NLRC5: variants seen among roughly 807,000 people sequenced by gnomAD.
NLRC5 encodes protein NLRC5.
Under a neutral mutation model 206.9 loss-of-function variants are expected in NLRC5, and 114 were observed. The observed-to-expected ratio is 0.55, with a 90% confidence interval of 0.47 to 0.64. NLRC5 has a LOEUF of 0.64. Among genes scored for constraint, NLRC5 ranks in the 30% least tolerant of loss-of-function variants. The pLI is 0.00. For synonymous variants in NLRC5, 952 were observed against 962.8 expected, an observed-to-expected ratio of 0.99 and a Z score of 0.21; for missense variants, 2,008 against 2,305.5, an observed-to-expected ratio of 0.87 and a Z score of 2.64.
At chr16:57,065,412 C>A in intron 33 of NLRC5, 114 bp downstream of exon 33, 1 of 661,480 alleles carries the variant, frequency 1.5e-6, no homozygotes, top group Non-Finnish European at 2.3e-6. Context: ...GCTAGTTTTC[C>A]ATGTCCCCAG....
intron 38 of NLRC5, 125 bp from the exon 39 acceptor site, chr16:57,074,475 A>C: frequency 2.6e-6 from 2 of 767,608 alleles, no homozygotes; most frequent in Non-Finnish European, 4.7e-6. Context: ...GAATTTTTAC[A>C]CTGTGTGGAT....
intron 1 of NLRC5, among the ~76,000 whole-genome samples, chr16:57,001,763 C>T (rs1013532520): frequency 1.3e-5 from 2 of 152,124 alleles, no homozygotes; most frequent in Non-Finnish European, 2.9e-5. Flanking sequence ...TTCAATTATA[C>T]TTTTTGTTAT....
intron 1 of NLRC5, among the ~76,000 whole-genome samples, chr16:56,993,818 C>T (rs2057261366): frequency 6.6e-6 from 1 of 151,978 alleles, no homozygotes; most frequent in Non-Finnish European, 1.5e-5. Context: ...AGGGAATTTG[C>T]TCTTTGTCTA....
At chr16:57,061,320 C>A in intron 30 of NLRC5, 128 bp from the exon 31 acceptor site, 3 of 883,316 alleles carry the variant, frequency 3.4e-6, no homozygotes, top group South Asian at 3.3e-5. Context: ...GCCTCTCAGG[C>A]CCTGCTCCAG....
At chr16:57,013,549 C>T (rs1026162026) in intron 1 of NLRC5, 16 of 1,029,834 alleles carry the variant, frequency 1.6e-5, no homozygotes, top group South Asian at 8.9e-5. Flanking sequence ...CTTCAGAAGT[C>T]GAGAGATGCT....
At position 57,043,562 on chromosome 16, in the gene NLRC5, G is replaced by C; in HGVS notation, c.3161G>C (p.Arg1054Pro). The change falls in exon 20 of 49, where the codon CGG becomes CCG. Residue 1054 changes from arginine (R) to proline (P), a missense_variant. Arg to Pro is a moderately radical substitution (Grantham distance 103, BLOSUM62 -2). Coordinates refer to ENST00000688547, the MANE Select transcript of NLRC5 (RefSeq NM_001384950.1). ...LSLDAVLGLVRCFSTLQWLFR... is the reference protein window; with the variant it reads ...LSLDAVLGLVPCFSTLQWLFR... ...CTGGATGCCGTGTTGGGTTTGGTTC[G>C]GTGCTTCTCCACTCTGCAGTGGCTC... The C allele has an allele frequency of 6.2e-7, 1 of 1,614,082 alleles. No individual in the cohort carries two copies. Among genetic ancestry groups the C allele is most frequent in the Non-Finnish European group, 8.5e-7 (1 of 1,180,020 alleles).
chr16:57,022,238 C>T lies in NLRC5; in HGVS notation c.296-18C>T, dbSNP rs2060750819. The T allele has an allele frequency of 2.5e-6, 4 of 1,607,164 alleles. No homozygotes were observed. The highest frequency in any genetic ancestry group is 2.6e-6 in the Non-Finnish European group (3 of 1,174,534). ...CTCGACAGCCCCATACCACATTATA[C>T]TCTCCCCTCTCTTGCAGGGTTCACC... On this transcript the variant is annotated intron_variant, in intron 3 of 48. Transcript: ENST00000688547.
intron 1 of NLRC5, among the ~76,000 whole-genome samples, chr16:57,016,607 T>C (rs1394522014): frequency 6.6e-6 from 1 of 152,192 alleles, no homozygotes; most frequent in Admixed American, 6.5e-5. Context: ...AAGAAGAATG[T>C]TTACTCTCAA....
Position 57,025,972 on chromosome 16 carries a change from G to T in NLRC5, c.1029G>T (p.Met343Ile), listed in dbSNP as rs1293576496. Residue 343 changes from methionine (M) to isoleucine (I), a missense_variant, in exon 6 of 49, where the codon ATG (methionine) becomes ATT (isoleucine). Coordinates refer to ENST00000688547, the MANE Select transcript of NLRC5 (RefSeq NM_001384950.1). ...CCCTCCTGCCTGGCTGCCGGGTGAT[G>T]GCTACCTCCCGTCCAGGGAAGCTGC... is the stretch of plus-strand genomic sequence containing the variant. Reference protein sequence around the residue: ...NGTLLPGCRVMATSRPGKLPA... With the variant: ...NGTLLPGCRVIATSRPGKLPA... 1 of 1,613,908 alleles carries T rather than the reference G, an allele frequency of 6.2e-7. No individual in the cohort carries two copies. Among genetic ancestry groups the T allele is most frequent in the Non-Finnish European group, 8.5e-7 (1 of 1,180,022 alleles).
rs1439710233 is a variant in NLRC5, at chr16:57,043,502, CT to C, written c.3114-12del. 6.2e-7 allele frequency: 1 copy of C among 1,612,302 alleles called. No homozygotes were observed. The highest frequency in any genetic ancestry group is 8.5e-7 in the Non-Finnish European group (1 of 1,178,278). On this transcript the variant is annotated splice_polypyrimidine_tract_variant and intron_variant, in intron 19 of 48. Coordinates refer to ENST00000688547, the MANE Select transcript of NLRC5 (RefSeq NM_001384950.1). ...CTGAGTGACCTCCATTGTGCCACCC[CT>C]GTGATCTCCAGCCTCAGTGAGAACG...
chr16:56,991,523 A>G, intron 1 of NLRC5, among the ~76,000 whole-genome samples: 1 of 150,480 alleles, frequency 6.6e-6, no homozygotes, highest in Non-Finnish European at 1.5e-5. Context: ...CTGGGATTAT[A>G]GGCGCCCGCC....
chr16:57,075,560 A>G (rs1192391749), intron 39 of NLRC5, among the ~76,000 whole-genome samples: 1 of 152,150 alleles, frequency 6.6e-6, no homozygotes, highest in Non-Finnish European at 1.5e-5. Context: ...GGTGGTATCA[A>G]TTCTGGGGGC....
chr16:57,073,249 A>T (rs1437113541), intron 38 of NLRC5, among the ~76,000 whole-genome samples: 4 of 152,138 alleles, frequency 2.6e-5, no homozygotes, highest in Non-Finnish European at 5.9e-5. Flanking sequence ...CCCTATCTGT[A>T]AACTGGGCAT....
intron 1 of NLRC5, chr16:57,013,912 C>G: frequency 1.9e-6 from 1 of 519,518 alleles, no homozygotes; most frequent in South Asian, 1.8e-5. Context: ...CAAAATGCGG[C>G]TGGTTTTCAA....
rs1208641462 is a variant in NLRC5, at chr16:57,028,389, A to G, written c.2243+4A>G. ...GTCCACAGCTGAAAGAAGTCAGGTG[A>G]GTGATCTCCAGGAGGGCTCACTGAC... On this transcript the variant is annotated splice_donor_region_variant and intron_variant, in intron 8 of 48. Transcript: ENST00000688547. 1.9e-6 allele frequency: 3 copies of G among 1,612,342 alleles called. No individual in the cohort carries two copies.
chr16:57,079,613 G>T lies in NLRC5; in HGVS notation c.5305G>T (p.Ala1769Ser), dbSNP rs772967504. ...LLTSSFTSCP[A>S]LEVILLSWNL... ...CACCTCCAGCTTCACGAGCTGCCCTGCCCTGGAAGTAATCTTGTGAGTGAT... is the reference window on the plus strand; with the variant it reads ...CACCTCCAGCTTCACGAGCTGCCCTTCCCTGGAAGTAATCTTGTGAGTGAT... Residue 1769 changes from alanine (A) to serine (S), a missense_variant, in exon 46 of 49, where the codon GCC (alanine) becomes TCC (serine). Transcript: ENST00000688547. 6.2e-7 allele frequency: 1 copy of T among 1,613,906 alleles called. No homozygotes were observed. Among genetic ancestry groups the T allele is most frequent in the Non-Finnish European group, 8.5e-7 (1 of 1,179,892 alleles).
chr16:57,024,064 G>C (rs2060987490), intron 5 of NLRC5, among the ~76,000 whole-genome samples: 1 of 152,266 alleles, frequency 6.6e-6, no homozygotes, highest in South Asian at 2.1e-4. Context: ...CCATCTGGCT[G>C]CATGGGGACT....
intron 43 of NLRC5, among the ~76,000 whole-genome samples, chr16:57,078,495 G>T: frequency 1.8e-5 from 2 of 113,894 alleles, no homozygotes; most frequent in South Asian, 3.7e-4. Flanking sequence ...TTTTTTAGAT[G>T]GAGTCTCTCT....
chr16:57,003,991 TGA>T (rs2058613739), intron 1 of NLRC5: 1 of 152,032 alleles, frequency 6.6e-6, no homozygotes, highest in Non-Finnish European at 1.5e-5. Context: ...TGAGAGAAGC[TGA>T]CGGGCCTAGA....
Sources: allele counts gnomAD v4.1 joint callset (sites outside exome capture counted in the v4.1 genomes callset), GRCh38; gene constraint gnomAD v4.1.1; transcripts MANE v1.5; gene names NCBI Gene and HGNC (gene_info 2026-07-23, HGNC 2026-07-21).